Variants in NRXN3 observed in about 807,000 individuals in gnomAD.
NRXN3 encodes neurexin III.
Under a neutral mutation model 137.6 loss-of-function variants are expected in NRXN3, and 32 were observed. That is an observed-to-expected ratio of 0.23 (90% CI 0.18 to 0.31). The LOEUF is 0.31. Among genes scored for constraint, NRXN3 ranks in the 10% least tolerant of loss-of-function variants. The probability of loss-of-function intolerance (pLI) is 1.00; values close to 1 mark genes in which losing one functional copy is unlikely to be tolerated. For missense variants in NRXN3, 1,574 were observed against 2,062.5 expected (o/e 0.76, Z 4.59); for synonymous variants, 798 against 784.5 (o/e 1.02, Z -0.29).
At chr14:79,034,422 T>C (rs771733716) in intron 15 of NRXN3, among the ~76,000 whole-genome samples, 1 of 148,472 alleles carries the variant, frequency 6.7e-6, no homozygotes, top group Admixed American at 6.8e-5. Context: ...CATTTAAAAG[T>C]TTAAAGAACT....
At chr14:79,585,188 G>T (rs2097755355) in intron 16 of NRXN3, among the ~76,000 whole-genome samples, 1 of 152,186 alleles carries the variant, frequency 6.6e-6, no homozygotes, top group East Asian at 1.9e-4. Context: ...TTTAGTCAAA[G>T]TGATTTTATG....
chr14:79,791,429 G>A (rs951638738), intron 19 of NRXN3, among the ~76,000 whole-genome samples: 1 of 145,832 alleles, frequency 6.9e-6, no homozygotes, highest in East Asian at 2.0e-4. Flanking sequence ...CCTATAATAG[G>A]AGCCAAATTT....
chr14:79,690,548 A>G (rs2098712837), intron 17 of NRXN3, among the ~76,000 whole-genome samples: 1 of 152,252 alleles, frequency 6.6e-6, no homozygotes, highest in Admixed American at 6.5e-5. Flanking sequence ...AACCAGATAC[A>G]GTCCCAAAAC....
chr14:79,131,271 C>G (rs1311403475), intron 15 of NRXN3, among the ~76,000 whole-genome samples: 1 of 151,990 alleles, frequency 6.6e-6, no homozygotes, highest in African/African-American at 2.4e-5. Flanking sequence ...TTAGAGTTTC[C>G]AGTTTTTCTG....
chr14:79,729,400 G>A (rs1004367714), intron 19 of NRXN3, among the ~76,000 whole-genome samples: 5 of 152,150 alleles, frequency 3.3e-5, no homozygotes, highest in African/African-American at 1.2e-4. Flanking sequence ...ACACCTGTCT[G>A]CAAAACAGGT....
intron 15 of NRXN3, among the ~76,000 whole-genome samples, chr14:79,019,200 A>G (rs1322991950): frequency 6.6e-6 from 1 of 151,350 alleles, no homozygotes; most frequent in African/African-American, 2.4e-5. Context: ...ATGTTGATAA[A>G]CTCCTGTGTT....
chr14:79,600,993 ACAATC>A (rs2097915597), intron 16 of NRXN3, among the ~76,000 whole-genome samples: 5 of 151,798 alleles, frequency 3.3e-5, no homozygotes, highest in African/African-American at 1.2e-4. Flanking sequence ...TGTGTTCTTA[ACAATC>A]TTCTTCATCA....
chr14:78,363,038 A>C (rs886719288), intron 4 of NRXN3, among the ~76,000 whole-genome samples: 1 of 152,242 alleles, frequency 6.6e-6, no homozygotes, highest in African/African-American at 2.4e-5. Flanking sequence ...TCAATCTGCC[A>C]GGCCTCCTGT....
At chr14:78,443,845 A>G (rs2094332964) in intron 4 of NRXN3, among the ~76,000 whole-genome samples, 1 of 152,198 alleles carries the variant, frequency 6.6e-6, no homozygotes, top group Admixed American at 6.5e-5. Context: ...GATTCATTCT[A>G]CTGTTAAAAT....
At chr14:79,551,917 C>T (rs2097376475) in intron 16 of NRXN3, among the ~76,000 whole-genome samples, 1 of 152,162 alleles carries the variant, frequency 6.6e-6, no homozygotes, top group Admixed American at 6.5e-5. Flanking sequence ...GTCTGGTTTC[C>T]TGTGACATCC....
intron 15 of NRXN3, among the ~76,000 whole-genome samples, chr14:79,136,958 C>T (rs1449257677): frequency 6.6e-6 from 1 of 152,158 alleles, no homozygotes; most frequent in East Asian, 1.9e-4. Flanking sequence ...ACAGAATTCT[C>T]ATTCTGGAAA....
At chr14:79,247,906 A>C (rs868081901) in intron 15 of NRXN3, among the ~76,000 whole-genome samples, 7 of 151,898 alleles carry the variant, frequency 4.6e-5, no homozygotes, top group East Asian at 1.9e-4. Flanking sequence ...TAAAAAAAAA[A>C]CACTCTAAAT....
chr14:79,531,449 G>C (rs1367974267), intron 16 of NRXN3, among the ~76,000 whole-genome samples: 1 of 152,206 alleles, frequency 6.6e-6, no homozygotes, highest in African/African-American at 2.4e-5. Flanking sequence ...ACATGGCACA[G>C]TATCCAGGTA....
intron 4 of NRXN3, among the ~76,000 whole-genome samples, chr14:78,610,343 T>A (rs1325783535): frequency 6.6e-6 from 1 of 152,252 alleles, no homozygotes; most frequent in East Asian, 1.9e-4. Context: ...AATAGATTTC[T>A]GGATTCTGTT....
chr14:78,728,287 A>G (rs555312962), intron 8 of NRXN3, among the ~76,000 whole-genome samples: 3 of 152,278 alleles, frequency 2.0e-5, no homozygotes, highest in Admixed American at 6.5e-5. Flanking sequence ...AAGCTTGGCA[A>G]TTTATTTAGT....
At chr14:78,268,871 T>A (rs1342788574) in intron 2 of NRXN3, among the ~76,000 whole-genome samples, 1 of 152,182 alleles carries the variant, frequency 6.6e-6, no homozygotes, top group Non-Finnish European at 1.5e-5. Flanking sequence ...CCTGCCACGC[T>A]GTCTTCTGGG....
At chr14:79,603,016 C>T (rs1394586324) in intron 16 of NRXN3, among the ~76,000 whole-genome samples, 1 of 152,178 alleles carries the variant, frequency 6.6e-6, no homozygotes, top group Admixed American at 6.5e-5. Context: ...CACCTCTCAA[C>T]TGATCAACCA....
chr14:78,279,483 G>A (rs2153502078), intron 3 of NRXN3: 1 of 152,282 alleles, frequency 6.6e-6, no homozygotes, highest in Middle Eastern at 3.4e-3. Flanking sequence ...TGACCAAATA[G>A]GAAGGGAGCA....
At chr14:78,840,276 C>T (rs1049117709) in intron 10 of NRXN3, among the ~76,000 whole-genome samples, 1 of 152,050 alleles carries the variant, frequency 6.6e-6, no homozygotes, top group Non-Finnish European at 1.5e-5. Context: ...AGTTCTGTTA[C>T]CTGAAGAGAA....
Sources: allele counts gnomAD v4.1 joint callset (sites outside exome capture counted in the v4.1 genomes callset), GRCh38; gene constraint gnomAD v4.1.1; transcripts MANE v1.5; gene names NCBI Gene and HGNC (gene_info 2026-07-23, HGNC 2026-07-21).